ADA: variants seen among roughly 807,000 people sequenced by gnomAD.
ADA encodes adenosine deaminase, also known as adenosine aminohydrolase.
ADA carries 45 observed loss-of-function variants against 49.0 expected under a neutral mutation model. The ratio of observed to expected loss-of-function variants is 0.92; its 90% CI spans 0.72 to 1.18. The LOEUF (loss-of-function observed/expected upper bound fraction) is 1.18. Among genes scored for constraint, ADA ranks in the 50% most tolerant of loss-of-function variants. ADA has a pLI of 0.00. For missense variants in ADA, 445 were observed against 472.5 expected (o/e 0.94, Z 0.54); for synonymous variants, 173 against 184.2 (o/e 0.94, Z 0.49).
chr20:44,638,355 C>T (rs1028760583), intron 1 of ADA, among the ~76,000 whole-genome samples: 2 of 152,192 alleles, frequency 1.3e-5, no homozygotes, highest in Non-Finnish European at 2.9e-5. Flanking sequence ...GTGGGTGGAT[C>T]ACCTGAGGCC....
At position 44,625,677 on chromosome 20, in the gene ADA, G is replaced by T. The variant is rs1163253413; in HGVS notation, c.370C>A (p.Leu124Ile). Residue 124 changes from leucine to isoleucine, a missense_variant, in exon 5 of 12, where the codon CTC becomes ATC. Transcript: ENST00000372874. Reference protein sequence around the residue: ...PIPWNQAEGDLTPDEVVALVG... With the variant: ...PIPWNQAEGDITPDEVVALVG... ...AGGGCCACCACCTCGTCTGGGGTGAGGTCCCCTCTGTGTGAGGAGAGGAGT... is the reference window on the plus strand; with the variant it reads ...AGGGCCACCACCTCGTCTGGGGTGATGTCCCCTCTGTGTGAGGAGAGGAGT... 3.8e-6 allele frequency: 6 copies of T among 1,560,650 alleles called. No individual in the cohort carries two copies. Among genetic ancestry groups the T allele is most frequent in the Non-Finnish European group, 5.2e-6 (6 of 1,151,674 alleles).
intron 11 of ADA, 44 bp from the exon 12 acceptor site, chr20:44,619,891 G>C (rs772310153): frequency 6.2e-7 from 1 of 1,613,768 alleles, no homozygotes; most frequent in Non-Finnish European, 8.5e-7. Context: ...GCAACTTGTA[G>C]TACCCAGGAT....
intron 2 of ADA, among the ~76,000 whole-genome samples, chr20:44,632,402 A>G (rs1179071078): frequency 3.9e-5 from 6 of 152,060 alleles, no homozygotes; most frequent in Non-Finnish European, 7.4e-5. Context: ...GAAATAATTT[A>G]CCTTTTTGAA....
At chr20:44,632,197 G>A (rs1017820825) in intron 2 of ADA, among the ~76,000 whole-genome samples, 1 of 152,102 alleles carries the variant, frequency 6.6e-6, no homozygotes, top group Non-Finnish European at 1.5e-5. Context: ...TTCTGGGCAG[G>A]GGAGGGGTCT....
In ADA at chr20:44,647,790, G is replaced by T. The variant is rs2007704; in HGVS notation, c.33+3785C>A. On this transcript the variant is annotated intron_variant, in intron 1 of 11. Transcript: ENST00000372874. ...AAATTAGCCGGGCGTGGTGGTGGAC[G>T]CCTGTAATCCCAGCTACTCCGGAGG... Among the ~76,000 whole-genome samples the T allele has an allele frequency of 1.1e-3, 163 of 152,088 alleles. 2 individuals are homozygous for T. Among genetic ancestry groups the T allele is most frequent in the African/African-American group, 3.8e-3 (159 of 41,412 alleles).
chr20:44,623,903 A>G (rs1264741018), intron 6 of ADA: 1 of 440,748 alleles, frequency 2.3e-6, no homozygotes, highest in Non-Finnish European at 4.5e-6. Flanking sequence ...ATGCACCACC[A>G]TGCCTGACTA....
intron 10 of ADA, 92 bp downstream of exon 10, chr20:44,620,926 C>T: frequency 6.4e-7 from 1 of 1,566,912 alleles, no homozygotes; most frequent in Non-Finnish European, 8.8e-7. Flanking sequence ...AGACTCACTC[C>T]CTCTCTCCAA....
At chr20:44,636,939 G>A (rs1210386518) in intron 1 of ADA, among the ~76,000 whole-genome samples, 1 of 152,100 alleles carries the variant, frequency 6.6e-6, no homozygotes, top group Non-Finnish European at 1.5e-5. Context: ...CGGAGTAGCT[G>A]GGACTATAGG....
chr20:44,643,904 C>A (rs571425057), intron 1 of ADA, among the ~76,000 whole-genome samples: 1 of 152,214 alleles, frequency 6.6e-6, no homozygotes, highest in South Asian at 2.1e-4. Flanking sequence ...TAAGTCCCTG[C>A]TCTCAAGAGA....
intron 1 of ADA, among the ~76,000 whole-genome samples, chr20:44,649,730 CTTTTTTTTTTT>C (rs755647195): frequency 1.2e-5 from 1 of 81,856 alleles, no homozygotes; most frequent in Non-Finnish European, 2.2e-5. Flanking sequence ...ATCAAGGAGC[CTTTTTTTTTTT>C]TTTTTTTTTT....
rs370857405 is a variant in ADA at position 44,626,452 on chromosome 20, T to C, written c.362+4A>G. On this transcript the variant is annotated splice_donor_region_variant and intron_variant, in intron 4 of 11. Coordinates refer to ENST00000372874, the MANE Select transcript of ADA (RefSeq NM_000022.4). ...GCATGGCCCCTTCCAGGCCCATCAC[T>C]CACTCAGCCTGGTTCCAGGGGATTG... 9.3e-6 allele frequency: 15 copies of C among 1,613,596 alleles called. No individual in the cohort carries two copies. The African/African-American group carries it at 1.9e-4, about 20-fold the overall frequency.
Position 44,619,766 on chromosome 20 carries a change from A to T in ADA, c.*68T>A. On this transcript the variant is annotated 3_prime_UTR_variant, in exon 12 of 12. Coordinates refer to ENST00000372874, the MANE Select transcript of ADA (RefSeq NM_000022.4). ...TGGTCTTCTTGGAAGGAATAAATGT[A>T]AAAATGTTGCTCAGCCCCACAGAGT... 6.3e-7 allele frequency: 1 copy of T among 1,593,896 alleles called. No homozygotes were observed. Among genetic ancestry groups the T allele is most frequent in the Non-Finnish European group, 8.6e-7 (1 of 1,161,756 alleles).
intron 1 of ADA, among the ~76,000 whole-genome samples, chr20:44,647,592 G>A (rs2065604170): frequency 6.6e-6 from 1 of 152,004 alleles, no homozygotes; most frequent in South Asian, 2.1e-4. Context: ...GAAGACCCAT[G>A]CCTTGTCAAG....
chr20:44,624,420 T>C, intron 5 of ADA, 91 bp from the exon 6 acceptor site: 1 of 1,571,148 alleles, frequency 6.4e-7, no homozygotes, highest in Non-Finnish European at 8.7e-7. Flanking sequence ...AAACCCCCCA[T>C]GGGAGGCCAG....
chr20:44,624,607 C>A (rs547287408), intron 5 of ADA, among the ~76,000 whole-genome samples: 1 of 152,360 alleles, frequency 6.6e-6, no homozygotes, highest in Admixed American at 6.5e-5. Flanking sequence ...GCACCAAGGA[C>A]GGGGCCTGAG....
In ADA at chr20:44,624,257, C is replaced by T. The variant is rs752944142; in HGVS notation, c.551G>A (p.Gly184Glu). The T allele has an allele frequency of 1.9e-6, 3 of 1,614,066 alleles. No homozygotes were observed. Among genetic ancestry groups the T allele is most frequent in the Non-Finnish European group, 2.5e-6 (3 of 1,179,972 alleles). ...GCTGCTTCCTGGGATGGTCTCATCT[C>T]CAGCCAGGTCAATGGCTACCACGGT... ...QQTVVAIDLA[G>E]DETIPGSSLL... Residue 184 changes from glycine to glutamate, a missense_variant, in exon 6 of 12, where the codon GGA (glycine) becomes GAA (glutamate). Coordinates refer to ENST00000372874, the MANE Select transcript of ADA (RefSeq NM_000022.4).
intron 2 of ADA, among the ~76,000 whole-genome samples, chr20:44,629,955 C>T (rs568720671): frequency 2.8e-4 from 42 of 152,100 alleles, no homozygotes; most frequent in Non-Finnish European, 2.2e-4. Flanking sequence ...CATCCCATCC[C>T]GGCTCTGCTC....
chr20:44,635,062 C>T (rs2145335965), intron 2 of ADA, among the ~76,000 whole-genome samples: 1 of 152,320 alleles, frequency 6.6e-6, no homozygotes, highest in South Asian at 2.1e-4. Flanking sequence ...TTGATAGAGA[C>T]CAAGTTCGCA....
intron 1 of ADA, among the ~76,000 whole-genome samples, chr20:44,640,339 G>C (rs1044439198): frequency 2.0e-5 from 3 of 151,930 alleles, no homozygotes; most frequent in Admixed American, 1.3e-4. Context: ...ATTTGAACCT[G>C]GGAGGCGGAG....
Sources: allele counts gnomAD v4.1 joint callset (sites outside exome capture counted in the v4.1 genomes callset), GRCh38; gene constraint gnomAD v4.1.1; transcripts MANE v1.5; gene names NCBI Gene and HGNC (gene_info 2026-07-23, HGNC 2026-07-21).